FRS2: variants seen among roughly 807,000 people sequenced by gnomAD.
FRS2 encodes fibroblast growth factor receptor substrate 2, also known as FGFR signalling adaptor.
FRS2 carries 8 observed loss-of-function variants against 43.9 expected under a neutral mutation model. The observed-to-expected ratio is 0.18, with a 90% CI of 0.11 to 0.33. The LOEUF is 0.33. Ranked by LOEUF, FRS2 falls within the 10% of genes least tolerant of loss-of-function variation. The pLI, the probability that FRS2 is intolerant of heterozygous loss-of-function variation, is 1.00. For missense variants in FRS2, 534 were observed against 627.6 expected (o/e 0.85, Z 1.59); for synonymous variants, 219 against 220.3 (o/e 0.99, Z 0.05).
intron 1 of FRS2, among the ~76,000 whole-genome samples, chr12:69,528,754 C>T (rs1386771609): frequency 6.6e-6 from 1 of 152,178 alleles, no homozygotes; most frequent in African/African-American, 2.4e-5. Context: ...ATAAGGAAAA[C>T]TAAGACAGCT....
At chr12:69,478,209 C>G (rs1647460060) in intron 1 of FRS2, among the ~76,000 whole-genome samples, 1 of 151,762 alleles carries the variant, frequency 6.6e-6, no homozygotes, top group Non-Finnish European at 1.5e-5. Context: ...GGGATTTAAT[C>G]CGTTAAAATT....
At chr12:69,507,482 A>G (rs1280602760) in intron 1 of FRS2, among the ~76,000 whole-genome samples, 1 of 152,234 alleles carries the variant, frequency 6.6e-6, no homozygotes, top group Non-Finnish European at 1.5e-5. Flanking sequence ...TCTGTGTTGT[A>G]GATCAACAGA....
chr12:69,571,441 AC>A lies in FRS2; in HGVS notation c.412+11del. On this transcript the variant is annotated splice_region_variant and intron_variant, in intron 7 of 8. Coordinates refer to ENST00000549921, the MANE Select transcript of FRS2 (RefSeq NM_001278356.2). The stretch of plus-strand genomic sequence containing the variant: ...ACACCTCGAACACCTACAAGTAAGT[AC>A]CCCTTTTCCCTTTCACATTTTGAAT... 6.2e-7 allele frequency: 1 copy of A among 1,605,922 alleles called. No individual in the cohort carries two copies.
At chr12:69,515,049 G>A (rs1193627437) in intron 1 of FRS2, among the ~76,000 whole-genome samples, 1 of 152,178 alleles carries the variant, frequency 6.6e-6, no homozygotes, top group African/African-American at 2.4e-5. Flanking sequence ...CAACAAACTT[G>A]TTAGTTTCAT....
intron 3 of FRS2, among the ~76,000 whole-genome samples, chr12:69,539,643 A>G (rs2135698925): frequency 6.6e-6 from 1 of 152,180 alleles, no homozygotes; most frequent in South Asian, 2.1e-4. Context: ...TTCTCCTTTA[A>G]AAAGGACCAG....
chr12:69,567,092 C>T (rs1485082099), intron 4 of FRS2, among the ~76,000 whole-genome samples: 1 of 152,136 alleles, frequency 6.6e-6, no homozygotes, highest in East Asian at 1.9e-4. Context: ...TTAGTTGTTC[C>T]CTTTCATGTG....
intron 1 of FRS2, among the ~76,000 whole-genome samples, chr12:69,508,023 T>TA (rs1874107772): frequency 4.2e-5 from 1 of 23,652 alleles, no homozygotes; most frequent in African/African-American, 2.5e-4. Context: ...AAACCCCGTC[T>TA]CAAAAAAAAA....
intron 3 of FRS2, among the ~76,000 whole-genome samples, chr12:69,550,488 ATTTTAACT>A (rs967302492): frequency 6.6e-6 from 1 of 152,228 alleles, no homozygotes; most frequent in Admixed American, 6.5e-5. Flanking sequence ...TGTCTTACAT[ATTTTAACT>A]AAGTCTAAAA....
At chr12:69,515,492 C>G (rs1171509913) in intron 1 of FRS2, among the ~76,000 whole-genome samples, 1 of 152,114 alleles carries the variant, frequency 6.6e-6, no homozygotes, top group Non-Finnish European at 1.5e-5. Flanking sequence ...GTGTGAGAGA[C>G]AGGCTGACAT....
At chr12:69,551,883 T>C (rs2135738604) in intron 3 of FRS2, among the ~76,000 whole-genome samples, 1 of 152,296 alleles carries the variant, frequency 6.6e-6, no homozygotes, top group South Asian at 2.1e-4. Flanking sequence ...ATGGCATGTT[T>C]TATGGATCCT....
chr12:69,525,167 A>G (rs1443018836), intron 1 of FRS2, among the ~76,000 whole-genome samples: 1 of 149,748 alleles, frequency 6.7e-6, no homozygotes, highest in Non-Finnish European at 1.5e-5. Context: ...CTCTAAATCA[A>G]ATCACAATGT....
At chr12:69,515,611 A>G (rs1874923624) in intron 1 of FRS2, among the ~76,000 whole-genome samples, 1 of 151,738 alleles carries the variant, frequency 6.6e-6, no homozygotes, top group Non-Finnish European at 1.5e-5. Flanking sequence ...ACTCACACCC[A>G]CTCCTCGAGA....
chr12:69,496,165 G>C (rs937703396), intron 1 of FRS2, among the ~76,000 whole-genome samples: 2 of 152,036 alleles, frequency 1.3e-5, no homozygotes, highest in Non-Finnish European at 2.9e-5. Context: ...GGCCAGGCGT[G>C]GGGGCTCACG....
At position 69,522,913 on chromosome 12, in the gene FRS2, G is replaced by C. The variant is rs567526777; in HGVS notation, c.-260-7952G>C. ...GGTTTTGAGCAATTTTCTTAGTCTT[G>C]AGTTCTATTTTTCTTATGTTGTGGT... On this transcript the variant is annotated intron_variant, in intron 1 of 8. Coordinates refer to ENST00000549921, the MANE Select transcript of FRS2 (RefSeq NM_001278356.2). Among the ~76,000 whole-genome samples the C allele has an allele frequency of 3.9e-5, 6 of 152,276 alleles. No individual in the cohort carries two copies. The South Asian group carries it at 8.3e-4, about 21-fold the overall frequency.
chr12:69,570,243 T>C (rs1880634366), intron 5 of FRS2, 88 bp from the exon 6 acceptor site: 1 of 977,506 alleles, frequency 1.0e-6, no homozygotes, highest in South Asian at 1.4e-5. Context: ...ATGAATGAAC[T>C]AACAAATTAC....
At chr12:69,550,604 C>T (rs1404525377) in intron 3 of FRS2, among the ~76,000 whole-genome samples, 1 of 152,178 alleles carries the variant, frequency 6.6e-6, no homozygotes, top group South Asian at 2.1e-4. Context: ...TCAAAACATA[C>T]AATACCACCA....
chr12:69,525,744 T>C (rs1876153301), intron 1 of FRS2, among the ~76,000 whole-genome samples: 1 of 151,224 alleles, frequency 6.6e-6, no homozygotes, highest in African/African-American at 2.4e-5. Flanking sequence ...CTCAACCAAG[T>C]GGTATGTGTT....
chr12:69,571,432 C>A lies in FRS2; in HGVS notation c.410C>A (p.Thr137Lys). 6.2e-7 allele frequency: 1 copy of A among 1,608,816 alleles called. No individual in the cohort carries two copies. The highest frequency in any genetic ancestry group is 8.5e-7 in the Non-Finnish European group (1 of 1,176,332). ...GTCCCTAGAACACCTCGAACACCTA[C>A]AAGTAAGTACCCCTTTTCCCTTTCA... ...LEVPRTPRTP[T>K]TPGFAAQNLP... The change falls in exon 7 of 9, where the codon ACA becomes AAA. Residue 137 changes from threonine (T) to lysine (K), a missense_variant and splice_region_variant. Transcript: ENST00000549921.
chr12:69,491,536 A>G (rs1256668471), intron 1 of FRS2: 1 of 112,448 alleles, frequency 8.9e-6, no homozygotes, highest in African/African-American at 3.6e-5. Flanking sequence ...TTTTGGAGAC[A>G]GGTACCCAGG....
Sources: gnomAD v4.1 joint callset for allele counts (sites outside exome capture counted in the v4.1 genomes callset) on GRCh38, gnomAD v4.1.1 for gene constraint, MANE v1.5 for transcripts, NCBI Gene and HGNC (gene_info 2026-07-23, HGNC 2026-07-21) for gene names.